NT5DC1: variants seen among roughly 807,000 people sequenced by gnomAD.
NT5DC1 encodes the protein 5'-nucleotidase domain-containing protein 1.
In NT5DC1, 42 loss-of-function variants were observed where a neutral mutation model predicts 59.4. The observed-to-expected ratio is 0.71, with a 90% CI of 0.55 to 0.92. The LOEUF is 0.92. Ranked by LOEUF, NT5DC1 falls within the 40% of genes least tolerant of loss-of-function variation. NT5DC1 has a pLI of 0.00. For missense variants in NT5DC1, 501 were observed against 537.1 expected (o/e 0.93, Z 0.66); for synonymous variants, 172 against 188.1 (o/e 0.91, Z 0.70).
chr6:116,108,553 A>G, intron 3 of NT5DC1, 118 bp downstream of exon 3: 1 of 669,020 alleles, frequency 1.5e-6, no homozygotes, highest in Non-Finnish European at 2.7e-6. Context: ...ATCAGATGAC[A>G]GATTGTCTGT....
At chr6:116,240,889 A>G (rs1055638574) in intron 11 of NT5DC1, among the ~76,000 whole-genome samples, 2 of 152,230 alleles carry the variant, frequency 1.3e-5, no homozygotes, top group Non-Finnish European at 2.9e-5. Context: ...CACGCCTGTA[A>G]TCCCAGCACT....
intron 6 of NT5DC1, among the ~76,000 whole-genome samples, chr6:116,217,392 A>C (rs1383466365): frequency 6.6e-6 from 1 of 152,172 alleles, no homozygotes; most frequent in Non-Finnish European, 1.5e-5. Context: ...TATCAGCATC[A>C]AAGGATATAA....
chr6:116,137,790 T>C (rs1008037834), intron 6 of NT5DC1, among the ~76,000 whole-genome samples: 4 of 152,142 alleles, frequency 2.6e-5, no homozygotes, highest in African/African-American at 9.7e-5. Context: ...TATTAGAAAA[T>C]GCCCAGCTTG....
intron 6 of NT5DC1, among the ~76,000 whole-genome samples, chr6:116,169,539 G>A (rs17077626): frequency 0.026 from 3,963 of 152,256 alleles, 157 homozygotes; most frequent in African/African-American, 0.09. Flanking sequence ...CAAGCCTTTT[G>A]AGGATTTTAG....
chr6:116,143,203 A>C (rs1393648306), intron 6 of NT5DC1, among the ~76,000 whole-genome samples: 1 of 151,906 alleles, frequency 6.6e-6, no homozygotes, highest in South Asian at 2.1e-4. Flanking sequence ...ACATTTTCTC[A>C]CCTCTTTTGT....
intron 6 of NT5DC1, among the ~76,000 whole-genome samples, chr6:116,175,039 A>C (rs1780700474): frequency 6.6e-6 from 1 of 152,162 alleles, no homozygotes; most frequent in South Asian, 2.1e-4. Context: ...TTATCTACTC[A>C]TTGTTTTAAA....
intron 6 of NT5DC1, among the ~76,000 whole-genome samples, chr6:116,218,574 C>A (rs2114537232): frequency 6.6e-6 from 1 of 152,234 alleles, no homozygotes; most frequent in East Asian, 1.9e-4. Flanking sequence ...TTATTATTAT[C>A]ATCTGTTTCT....
intron 11 of NT5DC1, among the ~76,000 whole-genome samples, chr6:116,241,863 C>CA (rs1477979547): frequency 7.7e-6 from 1 of 129,958 alleles, no homozygotes; most frequent in African/African-American, 2.9e-5. Flanking sequence ...GCGGAGCTTG[C>CA]AGTGAGCCGA....
In NT5DC1 at chr6:116,230,914, A is replaced by G. The variant is rs141098897; in HGVS notation, c.803-6052A>G. The stretch of plus-strand genomic sequence containing the variant: ...TCCCCGAATGAAGGAGGCTGAATCC[A>G]TCAGCGAACTAGTCAACCCCATCTC... On this transcript the variant is annotated intron_variant, in intron 8 of 11. Coordinates refer to ENST00000319550, the MANE Select transcript of NT5DC1 (RefSeq NM_152729.3). Among the ~76,000 whole-genome samples, 85 of 152,146 alleles carry G rather than the reference A, an allele frequency of 5.6e-4. 1 individual carries two copies. In the East Asian group the frequency reaches 0.014, roughly 26 times the overall value.
chr6:116,189,435 A>T lies in NT5DC1; in HGVS notation c.530-31619A>T, dbSNP rs191689522. 5.1e-4 allele frequency among the ~76,000 whole-genome samples: 78 copies of T among 151,882 alleles called. 1 individual carries two copies. The highest frequency in any genetic ancestry group is 4.9e-3 in the Admixed American group (75 of 15,224). On this transcript the variant is annotated intron_variant, in intron 6 of 11. Coordinates refer to ENST00000319550, the MANE Select transcript of NT5DC1 (RefSeq NM_152729.3). ...TTATTCTGATTTTCTTTAGCTTGGGATACTTATTCTTTATATACCTCCCTC... is the reference window on the plus strand; with the variant it reads ...TTATTCTGATTTTCTTTAGCTTGGGTTACTTATTCTTTATATACCTCCCTC...
chr6:116,146,225 T>G (rs991785816), intron 6 of NT5DC1, among the ~76,000 whole-genome samples: 2 of 152,234 alleles, frequency 1.3e-5, no homozygotes, highest in Admixed American at 6.5e-5. Flanking sequence ...ACCTGAGATT[T>G]AAGTCCATTG....
intron 6 of NT5DC1, among the ~76,000 whole-genome samples, chr6:116,189,396 G>A (rs73774224): frequency 7.9e-5 from 12 of 151,726 alleles, no homozygotes; most frequent in East Asian, 1.9e-4. Flanking sequence ...TTTTGTCTTC[G>A]TAGTCTTGAC....
At chr6:116,235,153 T>C (rs1256727364) in intron 8 of NT5DC1, among the ~76,000 whole-genome samples, 1 of 152,018 alleles carries the variant, frequency 6.6e-6, no homozygotes, top group Non-Finnish European at 1.5e-5. Flanking sequence ...CTTCCCGTTA[T>C]CCTTGCAAAG....
chr6:116,119,954 G>C (rs985998237), intron 6 of NT5DC1: 15 of 983,974 alleles, frequency 1.5e-5, no homozygotes, highest in Non-Finnish European at 2.4e-5. Flanking sequence ...GCTCAAATCT[G>C]TATTTCAGAA....
intron 1 of NT5DC1, among the ~76,000 whole-genome samples, chr6:116,103,513 G>T (rs1467568078): frequency 6.6e-6 from 1 of 152,026 alleles, no homozygotes; most frequent in Non-Finnish European, 1.5e-5. Flanking sequence ...GTGAGGAGGT[G>T]GAGAGGAGTG....
chr6:116,135,320 T>C (rs1337968365), intron 6 of NT5DC1, among the ~76,000 whole-genome samples: 1 of 152,096 alleles, frequency 6.6e-6, no homozygotes, highest in Non-Finnish European at 1.5e-5. Flanking sequence ...ATCAATATCA[T>C]TAAAATACGA....
intron 6 of NT5DC1, among the ~76,000 whole-genome samples, chr6:116,171,677 T>A (rs1449804273): frequency 6.6e-6 from 1 of 152,236 alleles, no homozygotes; most frequent in Non-Finnish European, 1.5e-5. Flanking sequence ...TTTTCTCTGC[T>A]GTTTCTATTC....
chr6:116,123,656 G>A (rs1244620359), intron 6 of NT5DC1, among the ~76,000 whole-genome samples: 1 of 152,166 alleles, frequency 6.6e-6, no homozygotes, highest in East Asian at 1.9e-4. Context: ...TACTTGTATA[G>A]ACTGTGGGCT....
intron 6 of NT5DC1, among the ~76,000 whole-genome samples, chr6:116,179,501 A>AAGAT (rs1419836397): frequency 1.6e-4 from 25 of 152,180 alleles, no homozygotes; most frequent in Non-Finnish European, 2.9e-4. Context: ...TTCTCTAAAG[A>AAGAT]AGATATGCAA....
Sources: gnomAD v4.1 joint callset for allele counts (sites outside exome capture counted in the v4.1 genomes callset) on GRCh38, gnomAD v4.1.1 for gene constraint, MANE v1.5 for transcripts, NCBI Gene and HGNC (gene_info 2026-07-23, HGNC 2026-07-21) for gene names.